Variants in CDK14 observed in about 807,000 individuals in gnomAD.
CDK14 encodes the protein cyclin-dependent kinase 14.
CDK14 carries 34 observed loss-of-function variants against 60.7 expected under a neutral mutation model. The observed-to-expected ratio is 0.56, with a 90% CI of 0.43 to 0.75. The LOEUF (loss-of-function observed/expected upper bound fraction) is 0.75. Ranked by LOEUF, CDK14 falls within the 30% of genes least tolerant of loss-of-function variation. CDK14 has a pLI of 0.00. For synonymous variants in CDK14, 197 were observed against 203.7 expected (o/e 0.97, Z 0.28); for missense variants, 482 against 564.1 (o/e 0.85, Z 1.47).
At chr7:90,750,242 G>A (rs1413212272) in intron 4 of CDK14, among the ~76,000 whole-genome samples, 1 of 150,158 alleles carries the variant, frequency 6.7e-6, no homozygotes, top group Non-Finnish European at 1.5e-5. Context: ...AATGCAATCT[G>A]TACAAAAATA....
chr7:90,921,347 A>G (rs1014432292), intron 8 of CDK14, among the ~76,000 whole-genome samples: 10 of 151,984 alleles, frequency 6.6e-5, no homozygotes, highest in Admixed American at 2.0e-4. Flanking sequence ...AGTTCATGTC[A>G]CCTCTTCAAA....
chr7:91,023,629 G>A (rs1401657697), intron 10 of CDK14, among the ~76,000 whole-genome samples: 1 of 152,152 alleles, frequency 6.6e-6, no homozygotes, highest in Non-Finnish European at 1.5e-5. Context: ...CACTACTATT[G>A]TTGTCATTAG....
At chr7:90,975,662 T>C (rs1206683348) in intron 9 of CDK14, among the ~76,000 whole-genome samples, 1 of 152,102 alleles carries the variant, frequency 6.6e-6, no homozygotes, top group Non-Finnish European at 1.5e-5. Flanking sequence ...TAATTTTGTG[T>C]CTTTTAGCAA....
intron 6 of CDK14, among the ~76,000 whole-genome samples, chr7:90,891,971 A>G (rs1792139694): frequency 6.6e-6 from 1 of 152,238 alleles, no homozygotes; most frequent in Non-Finnish European, 1.5e-5. Context: ...CAACAATTGG[A>G]AAACCTCACT....
At chr7:90,785,178 T>G (rs1304669714) in intron 4 of CDK14, among the ~76,000 whole-genome samples, 1 of 152,236 alleles carries the variant, frequency 6.6e-6, no homozygotes, top group African/African-American at 2.4e-5. Flanking sequence ...CAGATTATAT[T>G]AAATTTATTT....
At chr7:90,771,740 A>C (rs988432469) in intron 4 of CDK14, among the ~76,000 whole-genome samples, 2 of 152,230 alleles carry the variant, frequency 1.3e-5, no homozygotes, top group African/African-American at 4.8e-5. Flanking sequence ...CCTGGGACCA[A>C]TCAGGGGCCA....
chr7:91,117,856 G>A (rs886609730), intron 13 of CDK14, among the ~76,000 whole-genome samples: 5 of 152,078 alleles, frequency 3.3e-5, no homozygotes, highest in African/African-American at 1.2e-4. Context: ...TCTGAGCTGT[G>A]GTTCTGAGGG....
intron 14 of CDK14, among the ~76,000 whole-genome samples, chr7:91,200,278 T>G (rs539215419): frequency 6.6e-6 from 1 of 152,328 alleles, no homozygotes; most frequent in African/African-American, 2.4e-5. Context: ...TACAAATATG[T>G]GTGTGTATAC....
intron 8 of CDK14, among the ~76,000 whole-genome samples, chr7:90,933,479 C>T (rs1170230943): frequency 6.6e-6 from 1 of 152,118 alleles, no homozygotes; most frequent in East Asian, 1.9e-4. Context: ...TTCACATAGT[C>T]TCCTTTTCTA....
chr7:90,880,578 G>C (rs1791714024), intron 6 of CDK14, among the ~76,000 whole-genome samples: 1 of 152,126 alleles, frequency 6.6e-6, no homozygotes, highest in African/African-American at 2.4e-5. Context: ...TTCCACCAAG[G>C]GACAAAGTGC....
chr7:90,632,905 A>G (rs758668266), intron 2 of CDK14, among the ~76,000 whole-genome samples: 3 of 152,140 alleles, frequency 2.0e-5, no homozygotes, highest in Non-Finnish European at 4.4e-5. Context: ...CCTGGCCAAC[A>G]TGACGAAACC....
intron 4 of CDK14, among the ~76,000 whole-genome samples, chr7:90,789,068 C>T (rs751852525): frequency 3.5e-4 from 53 of 152,236 alleles, no homozygotes; most frequent in South Asian, 1.0e-3. Flanking sequence ...TGCAATGGCA[C>T]TTTTAGGAAT....
intron 2 of CDK14, among the ~76,000 whole-genome samples, chr7:90,613,513 C>T (rs10274341): frequency 1.3e-5 from 2 of 151,738 alleles, no homozygotes; most frequent in Non-Finnish European, 2.9e-5. Context: ...GTAGTGAAAC[C>T]CTGTGTCTAC....
At chr7:90,882,299 C>T (rs1307774450) in intron 6 of CDK14, among the ~76,000 whole-genome samples, 1 of 147,538 alleles carries the variant, frequency 6.8e-6, no homozygotes, top group Non-Finnish European at 1.5e-5. Context: ...GAATCCTAGT[C>T]TCTGACAAAA....
At chr7:90,971,789 G>A (rs1247942506) in intron 9 of CDK14, among the ~76,000 whole-genome samples, 3 of 152,008 alleles carry the variant, frequency 2.0e-5, no homozygotes, top group Admixed American at 2.0e-4. Flanking sequence ...TAATTAAAGT[G>A]TATGAACAAA....
chr7:91,040,242 G>A (rs1034468707), intron 10 of CDK14, among the ~76,000 whole-genome samples: 3 of 152,100 alleles, frequency 2.0e-5, no homozygotes, highest in Non-Finnish European at 2.9e-5. Context: ...CCTGATTATC[G>A]TTTTTCCAGG....
chr7:91,166,264 C>T (rs1801343420), intron 14 of CDK14, among the ~76,000 whole-genome samples: 1 of 152,160 alleles, frequency 6.6e-6, no homozygotes, highest in South Asian at 2.1e-4. Context: ...TAGTTTGAGC[C>T]TGCTGTCTTT....
chr7:91,080,329 C>T lies in CDK14; in HGVS notation c.1154+849C>T, dbSNP rs188746891. Among the ~76,000 whole-genome samples, 18 of 152,208 alleles carry T rather than the reference C, an allele frequency of 1.2e-4. No individual in the cohort carries two copies. In the East Asian group the frequency reaches 2.3e-3, roughly 20 times the overall value. ...TTTTCATATTAAAATGCTGCTAATC[C>T]GTGCTCTCAGTGGATACAGTGGACA... On this transcript the variant is annotated intron_variant, in intron 12 of 14. Transcript: ENST00000380050.
At chr7:90,907,628 A>G (rs192000036) in intron 7 of CDK14, among the ~76,000 whole-genome samples, 1 of 152,162 alleles carries the variant, frequency 6.6e-6, no homozygotes, top group African/African-American at 2.4e-5. Context: ...TTTTTTGTGA[A>G]CAATTGAAAA....
Sources: gnomAD v4.1 joint callset for allele counts (sites outside exome capture counted in the v4.1 genomes callset) on GRCh38, gnomAD v4.1.1 for gene constraint, MANE v1.5 for transcripts, NCBI Gene and HGNC (gene_info 2026-07-23, HGNC 2026-07-21) for gene names.